CDH13: variants seen among roughly 807,000 people sequenced by gnomAD.
CDH13 encodes cadherin-13.
In CDH13, 24 loss-of-function variants were observed where a neutral mutation model predicts 63.8. The ratio of observed to expected loss-of-function variants is 0.38; its 90% CI spans 0.27 to 0.53. The LOEUF is 0.53. Ranked by LOEUF, CDH13 falls within the 20% of genes least tolerant of loss-of-function variation. The pLI is 0.85. For missense variants in CDH13, 1,049 were observed against 903.1 expected (o/e 1.16, Z -2.07); for synonymous variants, 503 against 355.3 (o/e 1.42, Z -4.67).
At chr16:82,917,934 G>GAAAAAAAAAAA in intron 2 of CDH13, among the ~76,000 whole-genome samples, 3 of 60,030 alleles carry the variant, frequency 5.0e-5, no homozygotes, top group African/African-American at 1.6e-4. Context: ...AAAAAAAAAG[G>GAAAAAAAAAAA]CATGTAAAGT....
intron 1 of CDH13, among the ~76,000 whole-genome samples, chr16:82,759,841 G>A (rs992967662): frequency 1.4e-4 from 21 of 151,906 alleles, no homozygotes; most frequent in Admixed American, 1.2e-3. Context: ...GACGCACTGC[G>A]CCTCTGTTGC....
At position 83,492,364 on chromosome 16, in the gene CDH13, T is replaced by G. The variant is rs372380379; in HGVS notation, c.960+5709T>G. 7.9e-5 allele frequency among the ~76,000 whole-genome samples: 12 copies of G among 152,334 alleles called. No homozygotes were observed. In the East Asian group the frequency reaches 2.1e-3, roughly 27 times the overall value. ...AACATTGGCAGTAATTACACACAAT[T>G]CAATCATGCTGTCAGGAATATTATC... On this transcript the variant is annotated intron_variant, in intron 7 of 13. Transcript: ENST00000567109.
chr16:83,507,233 A>G (rs957902111), intron 7 of CDH13, among the ~76,000 whole-genome samples: 2 of 152,208 alleles, frequency 1.3e-5, no homozygotes, highest in African/African-American at 4.8e-5. Context: ...TCACAAGGAA[A>G]AGCAATATTT....
chr16:83,560,194 A>T (rs2075679779), intron 7 of CDH13, among the ~76,000 whole-genome samples: 1 of 152,226 alleles, frequency 6.6e-6, no homozygotes, highest in South Asian at 2.1e-4. Context: ...CCTCTCACAG[A>T]GTTTGGAATA....
At chr16:83,257,256 G>A (rs1021930243) in intron 5 of CDH13, among the ~76,000 whole-genome samples, 1 of 146,902 alleles carries the variant, frequency 6.8e-6, no homozygotes, top group African/African-American at 2.7e-5. Context: ...GAGAGAAAGC[G>A]ACGGTGAGCT....
At position 83,228,562 on chromosome 16, in the gene CDH13, A is replaced by T. The variant is rs981853945; in HGVS notation, c.636+11065A>T. Among the ~76,000 whole-genome samples the T allele has an allele frequency of 5.9e-5, 9 of 152,230 alleles. No individual in the cohort carries two copies. The South Asian group carries it at 1.9e-3, about 32-fold the overall frequency. Reference sequence around the variant, plus strand: ...TGTTACAGGTTCAGCCTTCGGAAGGACATGAGGTCAAAGCAAATTCTCAAG... The same window carrying T: ...TGTTACAGGTTCAGCCTTCGGAAGGTCATGAGGTCAAAGCAAATTCTCAAG... On this transcript the variant is annotated intron_variant, in intron 5 of 13. Transcript: ENST00000567109.
chr16:83,035,899 G>T (rs138861513), intron 3 of CDH13, among the ~76,000 whole-genome samples: 13 of 152,164 alleles, frequency 8.5e-5, no homozygotes, highest in Non-Finnish European at 2.9e-5. Context: ...CTACAGCAAT[G>T]ACCAACACTG....
At chr16:83,475,044 C>T (rs2073565676) in intron 6 of CDH13, among the ~76,000 whole-genome samples, 1 of 152,252 alleles carries the variant, frequency 6.6e-6, no homozygotes, top group Admixed American at 6.5e-5. Flanking sequence ...CGCCATCTGG[C>T]TCCTGGCTCT....
At chr16:83,501,442 T>C (rs1218829614) in intron 7 of CDH13, among the ~76,000 whole-genome samples, 1 of 91,892 alleles carries the variant, frequency 1.1e-5, no homozygotes, top group Non-Finnish European at 2.1e-5. Flanking sequence ...CATTCTGGAA[T>C]AAGCAAGAGT....
intron 6 of CDH13, among the ~76,000 whole-genome samples, chr16:83,429,304 CA>C (rs1015091448): frequency 1.1e-4 from 16 of 152,268 alleles, no homozygotes; most frequent in African/African-American, 3.6e-4. Flanking sequence ...CAATCTCAAC[CA>C]CCTGATTTCC....
intron 9 of CDH13, among the ~76,000 whole-genome samples, chr16:83,675,235 C>G (rs6563964): frequency 0.71 from 107,767 of 152,124 alleles, 38,870 homozygotes; most frequent in African/African-American, 0.85. Flanking sequence ...TACAGCACTC[C>G]GAGGGGATTA....
At chr16:83,417,673 C>A (rs1433405509) in intron 6 of CDH13, among the ~76,000 whole-genome samples, 1 of 152,152 alleles carries the variant, frequency 6.6e-6, no homozygotes, top group Admixed American at 6.5e-5. Context: ...TCCAAAGCAA[C>A]AGCCAGTGAT....
intron 1 of CDH13, among the ~76,000 whole-genome samples, chr16:82,694,896 T>C (rs1304985700): frequency 1.3e-5 from 2 of 152,130 alleles, no homozygotes; most frequent in African/African-American, 4.8e-5. Flanking sequence ...GTATTCTTAC[T>C]GAGCATAACA....
chr16:83,453,241 T>A (rs889182649), intron 6 of CDH13, among the ~76,000 whole-genome samples: 5 of 152,128 alleles, frequency 3.3e-5, no homozygotes, highest in Non-Finnish European at 7.4e-5. Flanking sequence ...GTATGAGGGA[T>A]AAAAGACTAC....
At chr16:83,772,614 G>A (rs1027079822) in intron 11 of CDH13, among the ~76,000 whole-genome samples, 4 of 152,164 alleles carry the variant, frequency 2.6e-5, no homozygotes, top group Admixed American at 6.5e-5. Flanking sequence ...ATTCAATTTT[G>A]TTCTACAAAT....
intron 3 of CDH13, among the ~76,000 whole-genome samples, chr16:83,111,073 G>C (rs1476447247): frequency 6.6e-6 from 1 of 151,392 alleles, no homozygotes; most frequent in Admixed American, 6.6e-5. Context: ...TCGGGAGGCT[G>C]AGGCAGGAGA....
At chr16:82,801,605 C>A (rs1373212139) in intron 1 of CDH13, among the ~76,000 whole-genome samples, 1 of 152,208 alleles carries the variant, frequency 6.6e-6, no homozygotes, top group Non-Finnish European at 1.5e-5. Context: ...GAAGAGGAGT[C>A]AGGCACAAAA....
At chr16:82,910,345 TA>T (rs1270934101) in intron 2 of CDH13, among the ~76,000 whole-genome samples, 1 of 152,248 alleles carries the variant, frequency 6.6e-6, no homozygotes, top group Non-Finnish European at 1.5e-5. Flanking sequence ...ATTTCTCCAG[TA>T]ATGAATGTCT....
chr16:83,395,205 T>C (rs1296470211), intron 6 of CDH13, among the ~76,000 whole-genome samples: 8 of 150,310 alleles, frequency 5.3e-5, no homozygotes, highest in Admixed American at 5.3e-4. Context: ...TCCCAGCTAC[T>C]TGGGAGGCTG....
Sources: allele counts gnomAD v4.1 joint callset (sites outside exome capture counted in the v4.1 genomes callset), GRCh38; gene constraint gnomAD v4.1.1; transcripts MANE v1.5; gene names NCBI Gene and HGNC (gene_info 2026-07-23, HGNC 2026-07-21).